Variants in ROBO2 observed in about 807,000 individuals in gnomAD.
ROBO2 encodes the protein roundabout homolog 2.
In ROBO2, 53 loss-of-function variants were observed where a neutral mutation model predicts 160.8. The ratio of observed to expected loss-of-function variants is 0.33; its 90% confidence interval spans 0.26 to 0.41. ROBO2 has a LOEUF of 0.41. Among genes scored for constraint, ROBO2 ranks in the 10% least tolerant of loss-of-function variants. ROBO2 has a pLI of 1.00. For synonymous variants in ROBO2, 664 were observed against 611.7 expected, an observed-to-expected ratio of 1.09 and a Z score of -1.26; for missense variants, 1,577 against 1,722.4, an observed-to-expected ratio of 0.92 and a Z score of 1.49.
intron 2 of ROBO2, chr3:77,317,111 T>A (rs1248508852): frequency 7.7e-7 from 1 of 1,295,984 alleles, no homozygotes; most frequent in Non-Finnish European, 1.1e-6. Flanking sequence ...TTGCTCTGGG[T>A]CACTCAGGAA....
At position 77,539,721 on chromosome 3, in the gene ROBO2, G is replaced by A. The variant is rs563048287; in HGVS notation, c.935-6617G>A. On this transcript the variant is annotated intron_variant, in intron 6 of 25. Coordinates refer to ENST00000461745, the Ensembl canonical transcript of ROBO2. The stretch of plus-strand genomic sequence containing the variant: ...CCATTTATATGCTAAATTGTAGACA[G>A]CACCCCATACCAGTAAAATCTTCAA... Among the ~76,000 whole-genome samples, 3 of 152,230 alleles carry A rather than the reference G, an allele frequency of 2.0e-5. No individual in the cohort carries two copies. In the South Asian group the frequency reaches 6.2e-4, roughly 32 times the overall value.
intron 5 of ROBO2, among the ~76,000 whole-genome samples, chr3:77,496,208 A>G (rs1375852362): frequency 2.0e-5 from 3 of 152,212 alleles, no homozygotes; most frequent in Non-Finnish European, 4.4e-5. Context: ...AATATTTTAA[A>G]AATATTAGAC....
At chr3:77,031,619 AAATT>A (rs1032290927) in intron 2 of ROBO2, among the ~76,000 whole-genome samples, 97 of 146,246 alleles carry the variant, frequency 6.6e-4, no homozygotes, top group African/African-American at 2.3e-3. Context: ...TTATTGATAT[AAATT>A]AATTATATAT....
rs887112158 is a variant in ROBO2 at position 76,066,451 on chromosome 3, AT to A, written c.109+128855del. Among the ~76,000 whole-genome samples, 121 of 152,262 alleles carry A rather than the reference AT, an allele frequency of 7.9e-4. 2 individuals carry two copies. Among genetic ancestry groups the A allele is most frequent in the Admixed American group, 7.4e-3 (113 of 15,294 alleles). ...AAAATATTAAATTATGAAACCAAAT[AT>A]TTTTTATAATGAACCATTTTCTTAA... is the stretch of plus-strand genomic sequence containing the variant. On this transcript the variant is annotated intron_variant, in intron 2 of 26. Coordinates refer to the ROBO2 transcript ENST00000487694.
chr3:77,225,061 T>C (rs575357743), intron 2 of ROBO2, among the ~76,000 whole-genome samples: 1 of 151,968 alleles, frequency 6.6e-6, no homozygotes, highest in Non-Finnish European at 1.5e-5. Context: ...TGATACATAA[T>C]CATGAGCTAG....
intron 2 of ROBO2, among the ~76,000 whole-genome samples, chr3:77,169,018 A>G (rs2079374060): frequency 6.6e-6 from 1 of 152,186 alleles, no homozygotes; most frequent in African/African-American, 2.4e-5. Context: ...TCCAGTGTCT[A>G]AAGAAGAAGA....
chr3:76,224,598 T>A (rs962392640), intron 2 of ROBO2, among the ~76,000 whole-genome samples: 1 of 152,182 alleles, frequency 6.6e-6, no homozygotes, highest in Non-Finnish European at 1.5e-5. Flanking sequence ...CATGCAGATA[T>A]AATGTTTTAC....
chr3:76,819,667 A>G (rs991790615), intron 2 of ROBO2, among the ~76,000 whole-genome samples: 1 of 152,068 alleles, frequency 6.6e-6, no homozygotes, highest in African/African-American at 2.4e-5. Flanking sequence ...TTAAACCTCT[A>G]GGCTAGTCGG....
At chr3:77,211,662 T>G (rs2084178946) in intron 2 of ROBO2, among the ~76,000 whole-genome samples, 1 of 152,220 alleles carries the variant, frequency 6.6e-6, no homozygotes, top group Non-Finnish European at 1.5e-5. Flanking sequence ...GCCTATGTCC[T>G]GAATGGTAAT....
At chr3:76,408,227 C>T (rs1027792937) in intron 2 of ROBO2, among the ~76,000 whole-genome samples, 2 of 152,058 alleles carry the variant, frequency 1.3e-5, no homozygotes, top group Non-Finnish European at 2.9e-5. Flanking sequence ...CCTTGATAAG[C>T]TTCCTGTGGA....
In ROBO2 at chr3:76,230,700, T is replaced by TGTCCTTC; in HGVS notation, c.109+293098_109+293099insGTCCTTC. On this transcript the variant is annotated intron_variant, in intron 2 of 26. Transcript: ENST00000487694. ...TAAAGATACTACTCTGCCCCAACCC[T>TGTCCTTC]CTCCTTCTCACACTGTTTTGGTTTG... Among the ~76,000 whole-genome samples the TGTCCTTC allele has an allele frequency of 2.0e-4, 4 of 19,692 alleles. No individual in the cohort carries two copies. In the East Asian group the frequency reaches 0.013, roughly 65 times the overall value. The allele number at this position is 19,692 out of a possible 152,430, so 12.9% of individuals were successfully genotyped here. A position where few individuals can be genotyped will look rare whatever the true frequency, so the allele number is the denominator to read the frequency against.
At chr3:76,736,085 C>T (rs2093706491) in intron 2 of ROBO2, among the ~76,000 whole-genome samples, 1 of 151,474 alleles carries the variant, frequency 6.6e-6, no homozygotes, top group African/African-American at 2.4e-5. Flanking sequence ...AGATCGAGAC[C>T]ATCCTGGCTA....
At chr3:76,288,272 C>T (rs1032555791) in intron 2 of ROBO2, among the ~76,000 whole-genome samples, 6 of 152,048 alleles carry the variant, frequency 3.9e-5, no homozygotes, top group African/African-American at 1.4e-4. Context: ...GAAAATTATT[C>T]TTAGGTTATT....
chr3:76,932,124 CA>C (rs965420688), intron 2 of ROBO2, among the ~76,000 whole-genome samples: 2 of 150,940 alleles, frequency 1.3e-5, no homozygotes, highest in African/African-American at 2.4e-5. Context: ...CATAGACTAC[CA>C]AAAAAAATGG....
chr3:76,252,756 TATACACACACACACACACACAC>T (rs1706096860), intron 2 of ROBO2, among the ~76,000 whole-genome samples: 2 of 137,846 alleles, frequency 1.5e-5, no homozygotes, highest in Admixed American at 7.4e-5. Flanking sequence ...CATGTATATG[TATACACACACACACACACACAC>T]ACACACACAC....
rs2067732469 is a variant in ROBO2 at position 76,053,678 on chromosome 3, G to C, written c.109+116076G>C. ...GAATAAAATATCATGTGCTGCTTTT[G>C]GCATTAGATTTACCATACATTAAGA... is the stretch of plus-strand genomic sequence containing the variant. On this transcript the variant is annotated intron_variant, in intron 2 of 26. Coordinates refer to the ROBO2 transcript ENST00000487694. 2.0e-5 allele frequency among the ~76,000 whole-genome samples: 3 copies of C among 152,100 alleles called. No individual in the cohort carries two copies. In the South Asian group the frequency reaches 6.2e-4, roughly 32 times the overall value.
intron 2 of ROBO2, among the ~76,000 whole-genome samples, chr3:76,436,809 C>T (rs1449732168): frequency 6.6e-6 from 1 of 152,076 alleles, no homozygotes; most frequent in Non-Finnish European, 1.5e-5. Context: ...TTCATTTAAC[C>T]AATCTGGAAG....
intron 2 of ROBO2, among the ~76,000 whole-genome samples, chr3:76,816,471 C>T (rs2065675447): frequency 6.6e-6 from 1 of 151,914 alleles, no homozygotes; most frequent in Non-Finnish European, 1.5e-5. Context: ...GTAGCAGTGG[C>T]CATAATTGCT....
intron 1 of ROBO2, among the ~76,000 whole-genome samples, chr3:77,069,581 T>C (rs373678816): frequency 4.9e-4 from 75 of 152,356 alleles, no homozygotes; most frequent in African/African-American, 1.8e-3. Context: ...CATTCATGCA[T>C]AGACTACTTG....
Sources: gnomAD v4.1 joint callset for allele counts (sites outside exome capture counted in the v4.1 genomes callset) on GRCh38, gnomAD v4.1.1 for gene constraint, MANE v1.5 for transcripts, NCBI Gene and HGNC (gene_info 2026-07-23, HGNC 2026-07-21) for gene names.